The following SNRPN variants were observed in gnomAD, a reference collection of about 807,000 sequenced individuals.
SNRPN encodes the protein small nuclear ribonucleoprotein-associated protein N.
SNRPN carries 7 observed loss-of-function variants against 25.2 expected under a neutral mutation model. The observed-to-expected ratio is 0.28, with a 90% CI of 0.16 to 0.52. SNRPN has a LOEUF of 0.52. SNRPN is among the 20% of genes least tolerant of loss of function. The pLI is 0.96. For missense variants in SNRPN, 196 were observed against 322.5 expected, an observed-to-expected ratio of 0.61 and a Z score of 3.00; for synonymous variants, 124 against 110.6, an observed-to-expected ratio of 1.12 and a Z score of -0.76.
At chr15:24,966,255 T>C (rs2075614602) in intron 2 of SNRPN, among the ~76,000 whole-genome samples, 1 of 151,774 alleles carries the variant, frequency 6.6e-6, no homozygotes, top group Non-Finnish European at 1.5e-5. Flanking sequence ...AAATGACTAG[T>C]AGATCTCAAG....
chr15:24,969,133 A>T lies in SNRPN; in HGVS notation c.-144+1051A>T, dbSNP rs61999155. Among the ~76,000 whole-genome samples, 778 of 151,798 alleles carry T rather than the reference A, an allele frequency of 5.1e-3. 2 individuals carry two copies. Among genetic ancestry groups the T allele is most frequent in the Non-Finnish European group, 8.6e-3 (582 of 67,926 alleles). ...TGGCCACCATTTTGAGTTATTAATT[A>T]ATTTATTTATTTAGAGATGAAGTTT... On this transcript the variant is annotated intron_variant, in intron 3 of 9. Coordinates refer to ENST00000390687, the MANE Select transcript of SNRPN (RefSeq NM_003097.6).
intron 2 of SNRPN, among the ~76,000 whole-genome samples, chr15:24,888,435 C>T (rs1231124376): frequency 2.0e-5 from 3 of 152,262 alleles, no homozygotes; most frequent in Non-Finnish European, 2.9e-5. Context: ...ATTTTCTTAA[C>T]ATATGTATTC....
At chr15:24,959,773 A>T (rs1226157078) in intron 1 of SNRPN, among the ~76,000 whole-genome samples, 8 of 152,166 alleles carry the variant, frequency 5.3e-5, no homozygotes, top group Admixed American at 4.6e-4. Flanking sequence ...CTTCATTCGT[A>T]AGTTGATGGA....
intron 1 of SNRPN, among the ~76,000 whole-genome samples, chr15:24,864,417 C>T (rs1204896386): frequency 1.0e-4 from 14 of 134,428 alleles, no homozygotes; most frequent in South Asian, 2.5e-4. Flanking sequence ...AATCTCGGCT[C>T]GCTGCAACCT....
intron 2 of SNRPN, among the ~76,000 whole-genome samples, chr15:24,895,956 G>T (rs2151046467): frequency 6.6e-6 from 1 of 152,276 alleles, no homozygotes; most frequent in Admixed American, 6.5e-5. Flanking sequence ...TTGTATTAAA[G>T]GTGTTATTCC....
chr15:24,911,804 C>G (rs779038268), intron 2 of SNRPN, among the ~76,000 whole-genome samples: 1 of 152,206 alleles, frequency 6.6e-6, no homozygotes, highest in Non-Finnish European at 1.5e-5. Flanking sequence ...TTGGGGCCAC[C>G]ACAGAGTGCC....
intron 2 of SNRPN, among the ~76,000 whole-genome samples, chr15:24,838,035 A>ATT (rs1293115701): frequency 1.2e-4 from 12 of 102,672 alleles, no homozygotes; most frequent in African/African-American, 4.2e-4. Flanking sequence ...CTCTTTATTT[A>ATT]TTTATTTTTT....
At chr15:24,825,871 T>G (rs1003357917) in intron 1 of SNRPN, among the ~76,000 whole-genome samples, 2 of 152,112 alleles carry the variant, frequency 1.3e-5, no homozygotes, top group Non-Finnish European at 2.9e-5. Flanking sequence ...TTGGGAAATC[T>G]GAAGTCATAC....
chr15:24,949,017 T>G (rs1025892773), intron 3 of SNRPN, among the ~76,000 whole-genome samples: 2 of 123,268 alleles, frequency 1.6e-5, no homozygotes, highest in African/African-American at 6.2e-5. Flanking sequence ...ATTCTTTTTT[T>G]TTTTTTTTTT....
chr15:24,879,695 T>C (rs74953605), intron 1 of SNRPN, among the ~76,000 whole-genome samples: 9,923 of 152,314 alleles, frequency 0.065, 451 homozygotes, highest in Non-Finnish European at 0.098. Flanking sequence ...AGGGTCAAAT[T>C]CTGCCCAGCA....
chr15:24,911,203 G>A (rs1408096907), intron 2 of SNRPN: 3 of 469,644 alleles, frequency 6.4e-6, no homozygotes, highest in Admixed American at 4.0e-5. Flanking sequence ...ATAAAGATTT[G>A]GAAAATTAAC....
intron 3 of SNRPN, among the ~76,000 whole-genome samples, chr15:24,938,594 T>A (rs1159523607): frequency 6.6e-6 from 1 of 152,180 alleles, no homozygotes; most frequent in African/African-American, 2.4e-5. Flanking sequence ...TTTTTATTAC[T>A]TACATTTTCC....
chr15:24,925,982 C>T (rs1595944576), intron 3 of SNRPN, among the ~76,000 whole-genome samples: 6 of 152,268 alleles, frequency 3.9e-5, no homozygotes, highest in African/African-American at 1.4e-4. Flanking sequence ...GATCCGCCCG[C>T]CTCGGCCTCC....
chr15:24,830,900 C>T (rs1021824242), intron 2 of SNRPN, among the ~76,000 whole-genome samples: 3 of 151,820 alleles, frequency 2.0e-5, no homozygotes, highest in Non-Finnish European at 2.9e-5. Context: ...GTATTCTGCC[C>T]GTTGTTGGAT....
chr15:24,843,409 A>G (rs1179557683), intron 2 of SNRPN, among the ~76,000 whole-genome samples: 1 of 152,160 alleles, frequency 6.6e-6, no homozygotes, highest in Non-Finnish European at 1.5e-5. Context: ...ACACTTTGGG[A>G]GGCCAAGATG....
chr15:24,875,509 G>C (rs945414025), intron 1 of SNRPN, among the ~76,000 whole-genome samples: 3 of 152,200 alleles, frequency 2.0e-5, no homozygotes, highest in Non-Finnish European at 2.9e-5. Context: ...TGTATGTAAT[G>C]TGAGGTCAAA....
intron 1 of SNRPN, among the ~76,000 whole-genome samples, chr15:24,874,837 T>C (rs919804325): frequency 1.3e-5 from 2 of 152,184 alleles, no homozygotes; most frequent in African/African-American, 4.8e-5. Context: ...ACAGGGTGTG[T>C]TGAAGGTGAT....
Position 24,974,685 on chromosome 15 carries a change from G to A in SNRPN, c.3+229G>A, listed in dbSNP as rs2554425. Reference sequence around the variant, plus strand: ...TCCCAGTCTGGAGTGCAGTGGTGCGGTCTTGGCTCACTGCAACCCTGGGTT... The same window carrying A: ...TCCCAGTCTGGAGTGCAGTGGTGCGATCTTGGCTCACTGCAACCCTGGGTT... On this transcript the variant is annotated intron_variant, in intron 4 of 9. Transcript: ENST00000390687. 2,353 of 616,290 alleles carry A rather than the reference G, an allele frequency of 3.8e-3. 33 individuals carry two copies. Among genetic ancestry groups the A allele is most frequent in the African/African-American group, 0.032 (1,743 of 54,132 alleles). The allele number at this position is 616,290 out of a possible 1,614,324, so 38.2% of individuals were successfully genotyped here. A position where few individuals can be genotyped will look rare whatever the true frequency, so the allele number is the denominator to read the frequency against.
intron 1 of SNRPN, among the ~76,000 whole-genome samples, chr15:24,884,843 A>G (rs2057049519): frequency 6.6e-6 from 1 of 152,190 alleles, no homozygotes; most frequent in South Asian, 2.1e-4. Flanking sequence ...AGACCCCAAA[A>G]GAGGGTTCTT....
Sources: allele counts gnomAD v4.1 joint callset (sites outside exome capture counted in the v4.1 genomes callset), GRCh38; gene constraint gnomAD v4.1.1; transcripts MANE v1.5; gene names NCBI Gene and HGNC (gene_info 2026-07-23, HGNC 2026-07-21).